BBX: variants seen among roughly 807,000 people sequenced by gnomAD.
BBX encodes the protein BBX high mobility group box domain containing.
In BBX, 30 loss-of-function variants were observed where a neutral mutation model predicts 100.2. The ratio of observed to expected loss-of-function variants is 0.30; its 90% CI spans 0.22 to 0.41. The LOEUF (loss-of-function observed/expected upper bound fraction) is 0.41, where lower values mean the gene tolerates loss of function less well. BBX is among the 10% of genes least tolerant of loss of function. BBX has a pLI of 1.00. For synonymous variants in BBX, 376 were observed against 388.1 expected, an observed-to-expected ratio of 0.97 and a Z score of 0.37; for missense variants, 1,023 against 1,129.8, an observed-to-expected ratio of 0.91 and a Z score of 1.35.
chr3:107,744,558 G>A (rs772165529), intron 7 of BBX, 72 bp from the exon 8 acceptor site: 61 of 1,126,618 alleles, frequency 5.4e-5, no homozygotes, highest in Non-Finnish European at 7.6e-5. Flanking sequence ...CGCAAATGAA[G>A]ATAGAGCATT....
Position 107,522,971 on chromosome 3 carries a change from A to G in BBX, c.-292A>G, listed in dbSNP as rs2107255856. The G allele has an allele frequency of 6.6e-6, 1 of 152,494 alleles. No homozygotes were observed. The highest frequency in any genetic ancestry group is 1.5e-5 in the Non-Finnish European group (1 of 68,124). The allele number at this position is 152,494 out of a possible 1,614,324, so 9.4% of individuals were successfully genotyped here. A position where few individuals can be genotyped will look rare whatever the true frequency, so the allele number is the denominator to read the frequency against. On this transcript the variant is annotated 5_prime_UTR_variant, in exon 1 of 18. Transcript: ENST00000325805. ...TTTTCAGTCTCTCCGGGTTGCATGT[A>G]CTGTATGTGGAGCAGTGTACAGTGA...
intron 7 of BBX, among the ~76,000 whole-genome samples, chr3:107,735,274 A>G (rs553059341): frequency 1.3e-5 from 2 of 152,244 alleles, no homozygotes; most frequent in South Asian, 2.1e-4. Flanking sequence ...GCAGATGAAC[A>G]TGGGACAAAT....
At chr3:107,778,225 A>T (rs2067485468) in intron 12 of BBX, 146 bp from the exon 13 acceptor site, 1 of 885,080 alleles carries the variant, frequency 1.1e-6, no homozygotes, top group African/African-American at 1.7e-5. Context: ...CATTTCAGAA[A>T]AGGTGTTTTT....
In BBX at chr3:107,522,993, G is replaced by A. The variant is rs1333609743; in HGVS notation, c.-270G>A. ...TGTACTGTATGTGGAGCAGTGTACA[G>A]TGAAGCGGAGGCAGAGCGGCTCCGC... On this transcript the variant is annotated 5_prime_UTR_variant, in exon 1 of 18. It adds an upstream start codon to the 5' untranslated region. Transcript: ENST00000325805. The A allele has an allele frequency of 6.5e-6, 1 of 153,080 alleles. No individual in the cohort carries two copies. Among genetic ancestry groups the A allele is most frequent in the Non-Finnish European group, 1.5e-5 (1 of 68,586 alleles). 9.5% of individuals were successfully genotyped at this position (153,080 alleles called of 1,614,324 possible).
At chr3:107,689,042 C>T (rs887734108) in intron 3 of BBX, among the ~76,000 whole-genome samples, 1 of 152,128 alleles carries the variant, frequency 6.6e-6, no homozygotes, top group African/African-American at 2.4e-5. Flanking sequence ...ACAGGTTTTC[C>T]TTATTTTTTT....
At chr3:107,648,203 CT>C (rs1298453255) in intron 3 of BBX, among the ~76,000 whole-genome samples, 1 of 151,938 alleles carries the variant, frequency 6.6e-6, no homozygotes, top group African/African-American at 2.4e-5. Context: ...ACCATGAATC[CT>C]TTTGTTGTTA....
At chr3:107,679,033 T>G (rs2059434197) in intron 3 of BBX, among the ~76,000 whole-genome samples, 1 of 151,928 alleles carries the variant, frequency 6.6e-6, no homozygotes, top group Admixed American at 6.6e-5. Flanking sequence ...AAAAAGAGAG[T>G]TCACAGTTAA....
chr3:107,610,965 T>A (rs1331581701), intron 2 of BBX, among the ~76,000 whole-genome samples: 1 of 152,060 alleles, frequency 6.6e-6, no homozygotes, highest in Non-Finnish European at 1.5e-5. Flanking sequence ...TTAGTGAAGG[T>A]GATTTTCACT....
chr3:107,773,067 A>C lies in BBX; in HGVS notation c.1346A>C (p.Lys449Thr). ...EDPAALNKPE[K>T]LKKKKKKSKM... ...CCCGCAGCATTAAACAAGCCAGAAA[A>C]GCTAAAAAAGAAAAAGAAGAAAAGC... is the stretch of plus-strand genomic sequence containing the variant. Residue 449 changes from lysine (K) to threonine (T), a missense_variant, in exon 11 of 18, where the codon AAG becomes ACG. Physicochemically the swap from Lys to Thr is moderately conservative, Grantham distance 78 (BLOSUM62 -1). This residue lies in a region of BBX where 348 missense variants were observed against 353.2 expected (regional missense o/e 0.99). Transcript: ENST00000325805. This position sits in a 1 kb window ranked among gnomAD's most constrained non-coding sequence, Gnocchi z 4.1. 1 of 1,613,518 alleles carries C rather than the reference A, an allele frequency of 6.2e-7. No homozygotes were observed. Among genetic ancestry groups the C allele is most frequent in the South Asian group, 1.1e-5 (1 of 90,954 alleles).
In BBX at chr3:107,716,641, A is replaced by G. The variant is rs774734427; in HGVS notation, c.197A>G (p.Asp66Gly). 1 of 1,613,784 alleles carries G rather than the reference A, an allele frequency of 6.2e-7. No homozygotes were observed. The highest frequency in any genetic ancestry group is 1.7e-5 in the Admixed American group (1 of 59,972). Reference protein sequence around the residue: ...QLLGADGLEQDVGETEDDESP... With the variant: ...QLLGADGLEQGVGETEDDESP... ...CTTGGGGCCGATGGCCTAGAGCAAG[A>G]TGTTGGTGAAACTGAAGATGATGAA... The change falls in exon 5 of 18, where the codon GAT (aspartate) becomes GGT (glycine). Residue 66 changes from aspartate to glycine, a missense_variant. This residue lies in a region of BBX where 229 missense variants were observed against 226.3 expected (regional missense o/e 1.01). Coordinates refer to ENST00000325805, the MANE Select transcript of BBX (RefSeq NM_001142568.3).
intron 2 of BBX, among the ~76,000 whole-genome samples, chr3:107,603,197 A>G (rs9874329): frequency 0.13 from 19,087 of 151,356 alleles, 1,438 homozygotes; most frequent in Middle Eastern, 0.19. Context: ...ATCTCTTGAC[A>G]TTGTGATCCA....
Position 107,744,644 on chromosome 3 carries a change from A to C in BBX, c.684A>C (p.Thr228=). 1.2e-6 allele frequency: 2 copies of C among 1,613,242 alleles called. No homozygotes were observed. The highest frequency in any genetic ancestry group is 1.7e-6 in the Non-Finnish European group (2 of 1,179,322). The change falls in exon 8 of 18, where the codon ACA becomes ACC. Residue 228 remains threonine (T), a synonymous_variant. Coordinates refer to ENST00000325805, the MANE Select transcript of BBX (RefSeq NM_001142568.3). ...CTTTGTTTCAGGTATCCTCTGGCAC[A>C]TGCAGGCCTGATGTTTCAGAATCTC... is the stretch of plus-strand genomic sequence containing the variant. ...ALGTPEVSSG[T]CRPDVSESPE...
In BBX at chr3:107,579,922, A is replaced by G. The variant is rs796437874; in HGVS notation, c.-84+53524A>G. ...CATTTTCTATAGAATTTTAAAATCT[A>G]GTTTTAAGAACACAAGTTGGCAAGC... On this transcript the variant is annotated intron_variant, in intron 2 of 17. Transcript: ENST00000325805. Among the ~76,000 whole-genome samples the G allele has an allele frequency of 1.0e-3, 158 of 152,294 alleles. 1 individual carries two copies. Among genetic ancestry groups the G allele is most frequent in the African/African-American group, 3.7e-3 (153 of 41,564 alleles).
At chr3:107,597,070 A>G (rs1427791889) in intron 2 of BBX, among the ~76,000 whole-genome samples, 2 of 152,274 alleles carry the variant, frequency 1.3e-5, no homozygotes, top group East Asian at 3.9e-4. Context: ...TCATTTGCTA[A>G]TGGTGTAATT....
At chr3:107,679,883 T>C (rs1006140988) in intron 3 of BBX, among the ~76,000 whole-genome samples, 1 of 152,198 alleles carries the variant, frequency 6.6e-6, no homozygotes, top group African/African-American at 2.4e-5. Context: ...TTATGTTACT[T>C]AACCCTTGTT....
At chr3:107,768,352 G>A (rs2066565302) in intron 10 of BBX, among the ~76,000 whole-genome samples, 1 of 152,152 alleles carries the variant, frequency 6.6e-6, no homozygotes, top group Non-Finnish European at 1.5e-5. Flanking sequence ...ACAATGTTTT[G>A]TGAACAAAAT....
chr3:107,658,716 TTG>T (rs1049173918), intron 3 of BBX, among the ~76,000 whole-genome samples: 5 of 151,778 alleles, frequency 3.3e-5, no homozygotes, highest in African/African-American at 1.2e-4. Flanking sequence ...GCTAATTTCT[TTG>T]TTTGTGTGTG....
intron 1 of BBX, 122 bp from the exon 2 acceptor site, chr3:107,526,205 G>T (rs1005843493): frequency 2.5e-6 from 1 of 397,098 alleles, no homozygotes; most frequent in African/African-American, 2.1e-5. Context: ...AAGGGGAGGG[G>T]TTAGTGGGAG....
At chr3:107,554,801 G>A (rs2049964158) in intron 2 of BBX, among the ~76,000 whole-genome samples, 2 of 152,008 alleles carry the variant, frequency 1.3e-5, no homozygotes, top group African/African-American at 4.8e-5. Context: ...GGGCGTGGTG[G>A]CTCATGCCTG....
Sources: gnomAD v4.1 joint callset for allele counts (sites outside exome capture counted in the v4.1 genomes callset) on GRCh38, gnomAD v4.1.1 for gene constraint, gnomAD v4.1.1 regional missense constraint, Gnocchi (gnomAD v3.1) non-coding constraint, MANE v1.5 for transcripts, NCBI Gene and HGNC (gene_info 2026-07-23, HGNC 2026-07-21) for gene names.